The following PAK3 variants were observed in gnomAD, a reference collection of about 807,000 sequenced individuals.
The protein encoded by PAK3 is serine/threonine-protein kinase PAK 3.
PAK3 carries 4 observed loss-of-function variants against 41.0 expected under a neutral mutation model. The ratio of observed to expected loss-of-function variants is 0.10; its 90% CI spans 0.05 to 0.22. The LOEUF (loss-of-function observed/expected upper bound fraction) is 0.22. PAK3 is among the 10% of genes least tolerant of loss of function. The pLI is 1.00. For synonymous variants in PAK3, 146 were observed against 139.6 expected, an observed-to-expected ratio of 1.05 and a Z score of -0.32; for missense variants, 205 against 409.9, an observed-to-expected ratio of 0.50 and a Z score of 4.32.
chrX:110,976,598 C>G (rs2091335381), intron 1 of PAK3, among the ~76,000 whole-genome samples: 1 of 111,791 alleles, frequency 8.9e-6, no homozygotes, highest in Non-Finnish European at 1.9e-5. Flanking sequence ...ACCCAGCAAT[C>G]CCATTACTGG....
At chrX:111,011,399 T>C (rs759947661) in intron 1 of PAK3, among the ~76,000 whole-genome samples, 11 of 111,869 alleles carry the variant, frequency 9.8e-5, no homozygotes, top group Non-Finnish European at 2.1e-4. Flanking sequence ...AGGGTCTTCC[T>C]GTTCCACCAC....
In PAK3 at chrX:110,951,753, C is replaced by A. The variant is rs192811816; in HGVS notation, c.-28+7125C>A. On this transcript the variant is annotated intron_variant, in intron 1 of 14. Transcript: ENST00000425146. ...CTCTTTAATTCATTTCCAACTAGAA[C>A]TGTGTCGAAAGCGTTTTCCAACGTT... Among the ~76,000 whole-genome samples the A allele has an allele frequency of 1.9e-3, 217 of 112,656 alleles. 1 individual carries two copies. The highest frequency in any genetic ancestry group is 6.7e-3 in the African/African-American group (209 of 31,068).
intron 1 of PAK3, among the ~76,000 whole-genome samples, chrX:111,062,776 G>A (rs1447142668): frequency 1.8e-5 from 2 of 110,898 alleles, no homozygotes; most frequent in African/African-American, 6.6e-5. Context: ...AGAGGATAAA[G>A]AACTGTGATT....
At chrX:111,118,364 A>T in intron 4 of PAK3, among the ~76,000 whole-genome samples, 1 of 111,289 alleles carries the variant, frequency 9.0e-6, no homozygotes, top group Non-Finnish European at 1.9e-5. Context: ...CATCTCGAAA[A>T]TGTATGCCTT....
At chrX:111,201,475 T>C (rs1486826619) in intron 16 of PAK3, among the ~76,000 whole-genome samples, 1 of 111,758 alleles carries the variant, frequency 8.9e-6, no homozygotes, top group Non-Finnish European at 1.9e-5. Context: ...GAGTGCCAGA[T>C]TAGTCTTCTT....
chrX:111,216,796 T>C lies in PAK3; in HGVS notation c.1545+238T>C, dbSNP rs1472518225. The stretch of plus-strand genomic sequence containing the variant: ...CTCTTTTGTTCTTCCTGGAGTCTTA[T>C]TTTGCAAGGAAAAAAAAAAAAGCAA... On this transcript the variant is annotated intron_variant, in intron 17 of 17. Coordinates refer to ENST00000372007, the MANE Select transcript of PAK3 (RefSeq NM_002578.5). The C allele has an allele frequency of 4.7e-5, 13 of 275,315 alleles. No individual in the cohort carries two copies. The Admixed American group carries it at 1.1e-3, about 24-fold the overall frequency. 22.7% of individuals were successfully genotyped at this position (275,315 alleles called of 1,213,427 possible).
chrX:111,217,346 G>T (rs755796284), intron 17 of PAK3, among the ~76,000 whole-genome samples: 1 of 111,978 alleles, frequency 8.9e-6, no homozygotes, highest in South Asian at 3.7e-4. Flanking sequence ...TAGCTTCACT[G>T]CTGGGGAGTG....
chrX:111,207,039 CT>C (rs1185192443), intron 16 of PAK3, among the ~76,000 whole-genome samples: 2 of 108,725 alleles, frequency 1.8e-5, no homozygotes, highest in African/African-American at 3.4e-5. Flanking sequence ...CAACAACCAG[CT>C]GCATATAAAC....
At chrX:111,185,051 T>A (rs2094496466) in intron 11 of PAK3, among the ~76,000 whole-genome samples, 1 of 111,850 alleles carries the variant, frequency 8.9e-6, no homozygotes, top group African/African-American at 3.3e-5. Flanking sequence ...CCACATCCCC[T>A]CCAACATCTG....
chrX:111,140,554 A>C (rs2093855677), intron 5 of PAK3, among the ~76,000 whole-genome samples: 2 of 112,027 alleles, frequency 1.8e-5, no homozygotes, highest in Admixed American at 1.9e-4. Flanking sequence ...TACCAACAGA[A>C]AACTCTAAAC....
intron 1 of PAK3, among the ~76,000 whole-genome samples, chrX:111,085,296 C>A (rs955939805): frequency 1.8e-5 from 2 of 111,477 alleles, no homozygotes; most frequent in African/African-American, 6.5e-5. Context: ...CATGAGATTG[C>A]TCCCCAACCC....
Position 111,045,811 on chromosome X carries a change from A to T in PAK3, c.-27-77266A>T, listed in dbSNP as rs777928780. 3.6e-5 allele frequency among the ~76,000 whole-genome samples: 4 copies of T among 111,427 alleles called. No individual in the cohort carries two copies. In the East Asian group the frequency reaches 8.5e-4, roughly 24 times the overall value. On this transcript the variant is annotated intron_variant, in intron 1 of 14. Coordinates refer to the PAK3 transcript ENST00000425146. ...TCCACCACACCTGCCGTTTCCATGG[A>T]CCATGGCGAGGCTAAGCTGTGGGTC...
At chrX:111,131,846 G>T (rs1455745342) in intron 5 of PAK3, among the ~76,000 whole-genome samples, 1 of 111,981 alleles carries the variant, frequency 8.9e-6, no homozygotes, top group Non-Finnish European at 1.9e-5. Flanking sequence ...CAGGGCTGCT[G>T]TTGTCATAGG....
intron 10 of PAK3, among the ~76,000 whole-genome samples, chrX:111,164,969 C>T (rs771093732): frequency 2.1e-3 from 236 of 111,494 alleles, no homozygotes; most frequent in Non-Finnish European, 3.5e-3. Context: ...ATTTTGCCCT[C>T]CAAAGGACAT....
chrX:111,133,893 T>C (rs183779109), intron 5 of PAK3, among the ~76,000 whole-genome samples: 39 of 112,357 alleles, frequency 3.5e-4, no homozygotes, highest in Non-Finnish European at 6.4e-4. Context: ...GCTAAATTTA[T>C]GTAGGAAAGC....
At chrX:111,081,755 A>G (rs2092836645) in intron 1 of PAK3, among the ~76,000 whole-genome samples, 1 of 111,417 alleles carries the variant, frequency 9.0e-6, no homozygotes, top group Non-Finnish European at 1.9e-5. Flanking sequence ...TATGTTATAT[A>G]TGTCATCTAG....
rs2092539372 is a variant in PAK3, at chrX:111,049,894, C to T, written c.-27-73183C>T. On this transcript the variant is annotated intron_variant, in intron 1 of 14. Transcript: ENST00000425146. ...GGTATAGAACATGCTGATTTTTACTCATCCTCTGAGGCGTCTGGGAGACTG... is the reference window on the plus strand; with the variant it reads ...GGTATAGAACATGCTGATTTTTACTTATCCTCTGAGGCGTCTGGGAGACTG... Among the ~76,000 whole-genome samples the T allele has an allele frequency of 2.7e-5, 3 of 111,221 alleles. No individual in the cohort carries two copies. In the Admixed American group the frequency reaches 2.9e-4, roughly 11 times the overall value.
chrX:111,020,478 T>C (rs755418233), intron 1 of PAK3, among the ~76,000 whole-genome samples: 19 of 111,137 alleles, frequency 1.7e-4, no homozygotes, highest in Admixed American at 9.5e-5. Context: ...AGAGTGATGA[T>C]GATTGCACAA....
At chrX:111,061,647 T>C (rs1424671167) in intron 1 of PAK3, among the ~76,000 whole-genome samples, 1 of 112,223 alleles carries the variant, frequency 8.9e-6, no homozygotes, top group Non-Finnish European at 1.9e-5. Context: ...TACATTTTTG[T>C]AGTTTTCTCC....
Sources: gnomAD v4.1 joint callset for allele counts (sites outside exome capture counted in the v4.1 genomes callset) on GRCh38, gnomAD v4.1.1 for gene constraint, MANE v1.5 for transcripts, NCBI Gene and HGNC (gene_info 2026-07-23, HGNC 2026-07-21) for gene names.